Variants in DTNA observed in about 807,000 individuals in gnomAD.
The protein encoded by DTNA is dystrophin-related protein 3.
Under a neutral mutation model 100.7 loss-of-function variants are expected in DTNA, and 43 were observed. The ratio of observed to expected loss-of-function variants is 0.43; its 90% CI spans 0.33 to 0.55. The LOEUF (loss-of-function observed/expected upper bound fraction) is 0.55. Ranked by LOEUF, DTNA falls within the 20% of genes least tolerant of loss-of-function variation. The pLI, the probability that DTNA is intolerant of heterozygous loss-of-function variation, is 0.04. For synonymous variants in DTNA, 349 were observed against 347.9 expected, an observed-to-expected ratio of 1.00 and a Z score of -0.04; for missense variants, 798 against 953.9, an observed-to-expected ratio of 0.84 and a Z score of 2.15.
intron 1 of DTNA, among the ~76,000 whole-genome samples, chr18:34,754,957 G>A (rs989862155): frequency 3.9e-5 from 6 of 152,284 alleles, no homozygotes; most frequent in Non-Finnish European, 8.8e-5. Context: ...TGTCAAAAAA[G>A]AGCATGGACA....
At chr18:34,640,146 A>C (rs2059117504) in intron 1 of DTNA, among the ~76,000 whole-genome samples, 1 of 152,202 alleles carries the variant, frequency 6.6e-6, no homozygotes, top group Admixed American at 6.5e-5. Context: ...CAGAGATGAT[A>C]ATGCTTTTTA....
At chr18:34,498,480 T>TAATAATA (rs1212755339) in intron 1 of DTNA, among the ~76,000 whole-genome samples, 3 of 142,526 alleles carry the variant, frequency 2.1e-5, no homozygotes, top group Non-Finnish European at 4.6e-5. Context: ...ATAATAATAA[T>TAATAATA]AATTTAATCA....
chr18:34,618,403 T>C (rs920336460), intron 1 of DTNA, among the ~76,000 whole-genome samples: 2 of 152,150 alleles, frequency 1.3e-5, no homozygotes, highest in Admixed American at 1.3e-4. Context: ...CAGTGCTGAC[T>C]ATAAATTACT....
intron 1 of DTNA, among the ~76,000 whole-genome samples, chr18:34,619,914 A>G (rs1455636340): frequency 6.6e-6 from 1 of 152,198 alleles, no homozygotes; most frequent in East Asian, 1.9e-4. Context: ...AACACTTATG[A>G]TTTTGGTTGA....
chr18:34,556,980 C>G (rs1235318740), intron 1 of DTNA, among the ~76,000 whole-genome samples: 1 of 148,676 alleles, frequency 6.7e-6, no homozygotes, highest in Non-Finnish European at 1.5e-5. Flanking sequence ...CAACTTGGTT[C>G]CATTCTCCCC....
At position 34,493,903 on chromosome 18, in the gene DTNA, G is replaced by T. The variant is rs1293558742; in HGVS notation, c.-2+389G>T. Reference sequence around the variant, plus strand: ...GCGGCTAGCGCGAAGCATGTGCCGGGCGCCGCAGCCAGGACTGCGGCGCGG... The same window carrying T: ...GCGGCTAGCGCGAAGCATGTGCCGGTCGCCGCAGCCAGGACTGCGGCGCGG... On this transcript the variant is annotated intron_variant, in intron 1 of 19. Transcript: ENST00000283365. 3 of 147,912 alleles carry T rather than the reference G, an allele frequency of 2.0e-5. No homozygotes were observed. The East Asian group carries it at 5.9e-4, about 29-fold the overall frequency. 9.2% of individuals were successfully genotyped at this position (147,912 alleles called of 1,614,324 possible).
At chr18:34,508,214 A>G (rs76176051) in intron 1 of DTNA, among the ~76,000 whole-genome samples, 1,932 of 152,254 alleles carry the variant, frequency 0.013, 39 homozygotes, top group African/African-American at 0.045. Flanking sequence ...TTTTCTAGAG[A>G]TGACACCCAT....
chr18:34,667,551 G>T (rs890975011), intron 1 of DTNA, among the ~76,000 whole-genome samples: 2 of 152,176 alleles, frequency 1.3e-5, no homozygotes, highest in African/African-American at 4.8e-5. Context: ...TATGATATTG[G>T]CTGTGGGTTT....
chr18:34,499,095 C>T (rs947130564), intron 1 of DTNA, among the ~76,000 whole-genome samples: 2 of 152,106 alleles, frequency 1.3e-5, no homozygotes, highest in African/African-American at 4.8e-5. Flanking sequence ...AAGGATAATT[C>T]CTATTGCTCT....
chr18:34,843,652 C>T (rs1176910851), intron 13 of DTNA, among the ~76,000 whole-genome samples: 1 of 152,034 alleles, frequency 6.6e-6, no homozygotes, highest in African/African-American at 2.4e-5. Flanking sequence ...ACTATGACCT[C>T]ATTTAACTGT....
At chr18:34,505,256 C>T (rs77608918) in intron 1 of DTNA, among the ~76,000 whole-genome samples, 2,092 of 152,296 alleles carry the variant, frequency 0.014, 30 homozygotes, top group Non-Finnish European at 0.021. Context: ...CCTCTGTCAT[C>T]GTATCTCCTA....
At chr18:34,827,289 C>T (rs1187097643) in intron 9 of DTNA, among the ~76,000 whole-genome samples, 4 of 152,066 alleles carry the variant, frequency 2.6e-5, no homozygotes, top group African/African-American at 7.2e-5. Flanking sequence ...CTACCTTCTT[C>T]AAAATCCTTG....
chr18:34,547,607 T>G (rs2044935190), intron 1 of DTNA, among the ~76,000 whole-genome samples: 1 of 152,136 alleles, frequency 6.6e-6, no homozygotes. Context: ...TAAACTATAT[T>G]GGGTTCCTGG....
chr18:34,651,989 CA>C (rs1210893164), intron 1 of DTNA, among the ~76,000 whole-genome samples: 3 of 151,822 alleles, frequency 2.0e-5, no homozygotes, highest in African/African-American at 7.3e-5. Flanking sequence ...TCACTTGAGC[CA>C]GGGGGGTCAA....
At chr18:34,592,440 TCTC>T (rs1257318622) in intron 1 of DTNA, among the ~76,000 whole-genome samples, 3 of 150,184 alleles carry the variant, frequency 2.0e-5, no homozygotes, top group African/African-American at 7.4e-5. Flanking sequence ...TCACTCAATT[TCTC>T]TTCTTTTAGA....
intron 1 of DTNA, among the ~76,000 whole-genome samples, chr18:34,525,116 A>T (rs772940709): frequency 5.3e-5 from 8 of 152,138 alleles, no homozygotes; most frequent in Non-Finnish European, 1.2e-4. Context: ...GTGATCATTC[A>T]TCTGGGGACT....
chr18:34,693,647 A>G (rs1365183626), intron 1 of DTNA, among the ~76,000 whole-genome samples: 1 of 152,172 alleles, frequency 6.6e-6, no homozygotes, highest in African/African-American at 2.4e-5. Context: ...TTAATTGAGA[A>G]TTAACCAAAT....
At chr18:34,629,113 T>C (rs573465848) in intron 1 of DTNA, among the ~76,000 whole-genome samples, 71 of 152,328 alleles carry the variant, frequency 4.7e-4, no homozygotes, top group African/African-American at 1.6e-3. Flanking sequence ...TTCTCTGCTA[T>C]GTTTACACAA....
intron 11 of DTNA, among the ~76,000 whole-genome samples, chr18:34,836,816 T>G (rs1186288876): frequency 1.3e-5 from 2 of 152,160 alleles, no homozygotes; most frequent in East Asian, 3.8e-4. Flanking sequence ...ACAAATCAAA[T>G]TTAATATTAA....
Sources: gnomAD v4.1 joint callset for allele counts (sites outside exome capture counted in the v4.1 genomes callset) on GRCh38, gnomAD v4.1.1 for gene constraint, MANE v1.5 for transcripts, NCBI Gene and HGNC (gene_info 2026-07-23, HGNC 2026-07-21) for gene names.